The following ESRRG variants were observed in gnomAD, a reference collection of about 807,000 sequenced individuals.
The protein encoded by ESRRG is estrogen-related receptor gamma.
In ESRRG, 13 loss-of-function variants were observed where a neutral mutation model predicts 44.0. That is an observed-to-expected ratio of 0.30 (90% CI 0.19 to 0.47). The LOEUF (loss-of-function observed/expected upper bound fraction) is 0.47, where lower values mean the gene tolerates loss of function less well. Among genes scored for constraint, ESRRG ranks in the 20% least tolerant of loss-of-function variants. ESRRG has a pLI of 1.00. For synonymous variants in ESRRG, 215 were observed against 214.6 expected, an observed-to-expected ratio of 1.00 and a Z score of -0.02; for missense variants, 395 against 580.6, an observed-to-expected ratio of 0.68 and a Z score of 3.29.
intron 1 of ESRRG, among the ~76,000 whole-genome samples, chr1:217,077,140 C>A (rs1244290878): frequency 1.3e-5 from 2 of 152,192 alleles, no homozygotes; most frequent in Non-Finnish European, 2.9e-5. Flanking sequence ...AGTCATTGCA[C>A]TGGCAGTTAG....
intron 1 of ESRRG, among the ~76,000 whole-genome samples, chr1:216,703,045 C>G (rs1322036063): frequency 6.6e-6 from 1 of 152,084 alleles, no homozygotes; most frequent in Non-Finnish European, 1.5e-5. Context: ...GAGAAAAAAG[C>G]TTAAGTATTC....
intron 2 of ESRRG, among the ~76,000 whole-genome samples, chr1:216,937,950 T>C (rs916449354): frequency 6.6e-6 from 1 of 151,722 alleles, no homozygotes; most frequent in African/African-American, 2.4e-5. Flanking sequence ...CTGGAGGTGA[T>C]AAAGGTGAAG....
intron 3 of ESRRG, among the ~76,000 whole-genome samples, chr1:216,605,071 C>G (rs921649221): frequency 7.9e-5 from 12 of 152,178 alleles, no homozygotes; most frequent in African/African-American, 2.9e-4. Flanking sequence ...AAGAAACACA[C>G]AGTGCAGAAC....
At chr1:216,530,983 A>G (rs887648455) in intron 5 of ESRRG, among the ~76,000 whole-genome samples, 3 of 152,182 alleles carry the variant, frequency 2.0e-5, no homozygotes, top group African/African-American at 7.2e-5. Flanking sequence ...AATAGAAACT[A>G]TAACTCAGTG....
intron 1 of ESRRG, among the ~76,000 whole-genome samples, chr1:216,966,620 T>C (rs990327267): frequency 1.3e-5 from 2 of 152,014 alleles, no homozygotes; most frequent in Non-Finnish European, 2.9e-5. Context: ...TTTTCTTCCA[T>C]GCCCTTCCCT....
At chr1:216,728,663 T>C (rs916848621) in intron 2 of ESRRG, among the ~76,000 whole-genome samples, 18 of 152,010 alleles carry the variant, frequency 1.2e-4, no homozygotes, top group African/African-American at 4.1e-4. Flanking sequence ...TAAAAATATA[T>C]ATATCATAAA....
intron 1 of ESRRG, among the ~76,000 whole-genome samples, chr1:217,095,031 AGT>A (rs571908776): frequency 6.8e-6 from 1 of 146,204 alleles, no homozygotes; most frequent in Non-Finnish European, 1.5e-5. Context: ...TGTGTCTGTG[AGT>A]GTGTGTGTGT....
intron 6 of ESRRG, among the ~76,000 whole-genome samples, chr1:216,512,548 G>C (rs902650414): frequency 6.6e-6 from 1 of 152,142 alleles, no homozygotes; most frequent in Non-Finnish European, 1.5e-5. Flanking sequence ...ATAAAAGGAA[G>C]TGATGACTAT....
rs565594223 is a variant in ESRRG, at chr1:216,909,414, CT to C, written c.-14+30167del. 2.4e-3 allele frequency among the ~76,000 whole-genome samples: 372 copies of C among 152,302 alleles called. 3 individuals are homozygous for C. Among genetic ancestry groups the C allele is most frequent in the African/African-American group, 7.7e-3 (321 of 41,556 alleles). ...AGTAACCAGTTCCCATCAGGTAACA[CT>C]AGGCCAGAAAGAACTGACATCATAA... On this transcript the variant is annotated intron_variant, in intron 2 of 7. Coordinates refer to the ESRRG transcript ENST00000359162.
At chr1:216,767,603 A>G (rs2093148562) in intron 2 of ESRRG, among the ~76,000 whole-genome samples, 1 of 152,178 alleles carries the variant, frequency 6.6e-6, no homozygotes, top group African/African-American at 2.4e-5. Flanking sequence ...AACAGATACA[A>G]AACTTATACA....
intron 2 of ESRRG, among the ~76,000 whole-genome samples, chr1:216,737,938 C>G (rs1365980537): frequency 6.6e-6 from 1 of 151,174 alleles, no homozygotes; most frequent in Non-Finnish European, 1.5e-5. Context: ...TGTTAGATGC[C>G]AATCACTAAA....
Position 216,581,145 on chromosome 1 carries a change from A to G in ESRRG, c.590-13047T>C, listed in dbSNP as rs1337210371. Reference sequence around the variant, plus strand: ...TTTTGAAAGCAACCAAAGAATAGATAATGACTGTTCTGTTATTTAGCTGAA... The same window carrying G: ...TTTTGAAAGCAACCAAAGAATAGATGATGACTGTTCTGTTATTTAGCTGAA... On this transcript the variant is annotated intron_variant, in intron 3 of 6. Coordinates refer to ENST00000408911, the MANE Select transcript of ESRRG (RefSeq NM_001438.4). Among the ~76,000 whole-genome samples, 7 of 152,194 alleles carry G rather than the reference A, an allele frequency of 4.6e-5. No individual in the cohort carries two copies. The South Asian group carries it at 6.2e-4, about 13-fold the overall frequency.
chr1:216,724,590 C>T (rs1358293431), upstream of ESRRG, among the ~76,000 whole-genome samples: 2 of 151,958 alleles, frequency 1.3e-5, no homozygotes, highest in East Asian at 3.9e-4. Context: ...ATTTTATAAA[C>T]CATCACACAG....
intron 1 of ESRRG, among the ~76,000 whole-genome samples, chr1:217,039,925 ACT>A (rs2083543868): frequency 6.6e-6 from 1 of 151,756 alleles, no homozygotes; most frequent in Admixed American, 6.6e-5. Flanking sequence ...AACTGCATCC[ACT>A]CTGTCTTAAG....
rs556869205 is a variant in ESRRG, at chr1:216,595,404, G to C, written c.590-27306C>G. On this transcript the variant is annotated intron_variant, in intron 3 of 6. Transcript: ENST00000408911. ...TATTCTTGCATAATCAATTATGATT[G>C]AATTTATTTATTTTTCCACTTGATA... Among the ~76,000 whole-genome samples the C allele has an allele frequency of 4.5e-4, 68 of 152,198 alleles. 1 individual carries two copies. Among genetic ancestry groups the C allele is most frequent in the African/African-American group, 1.6e-3 (65 of 41,528 alleles).
intron 1 of ESRRG, among the ~76,000 whole-genome samples, chr1:217,009,588 G>T (rs774933243): frequency 1.2e-4 from 19 of 152,128 alleles, no homozygotes; most frequent in Non-Finnish European, 2.4e-4. Context: ...CATGGTGTTT[G>T]GCAAGAATGC....
chr1:216,930,843 A>G (rs2063239899), intron 2 of ESRRG, among the ~76,000 whole-genome samples: 1 of 152,210 alleles, frequency 6.6e-6, no homozygotes, highest in Non-Finnish European at 1.5e-5. Flanking sequence ...GAAGGCCCCA[A>G]AAAGAAGGAA....
At chr1:216,807,679 T>A (rs549550377) in intron 2 of ESRRG, among the ~76,000 whole-genome samples, 1 of 151,762 alleles carries the variant, frequency 6.6e-6, no homozygotes, top group South Asian at 2.1e-4. Context: ...GGTATTCTCT[T>A]AATCTCTTTG....
At chr1:216,793,708 A>G (rs113973982) in intron 2 of ESRRG, among the ~76,000 whole-genome samples, 262 of 152,340 alleles carry the variant, frequency 1.7e-3, no homozygotes, top group Non-Finnish European at 2.7e-3. Flanking sequence ...AAAGTTTTCA[A>G]TTAATTTGTT....
Sources: gnomAD v4.1 joint callset for allele counts (sites outside exome capture counted in the v4.1 genomes callset) on GRCh38, gnomAD v4.1.1 for gene constraint, MANE v1.5 for transcripts, NCBI Gene and HGNC (gene_info 2026-07-23, HGNC 2026-07-21) for gene names.